The following MEX3C variants were observed in gnomAD, a reference collection of about 807,000 sequenced individuals.
MEX3C encodes RNA-binding E3 ubiquitin-protein ligase MEX3C.
MEX3C carries 15 observed loss-of-function variants against 35.5 expected under a neutral mutation model. The ratio of observed to expected loss-of-function variants is 0.42; its 90% CI spans 0.28 to 0.65. The LOEUF is 0.65. Among genes scored for constraint, MEX3C ranks in the 30% least tolerant of loss-of-function variants. The pLI, the probability that MEX3C is intolerant of heterozygous loss-of-function variation, is 0.20. For missense variants in MEX3C, 711 were observed against 842.8 expected, an observed-to-expected ratio of 0.84 and a Z score of 1.94; for synonymous variants, 390 against 352.8, an observed-to-expected ratio of 1.11 and a Z score of -1.18.
chr18:51,187,338 T>C (rs1244181066), intron 1 of MEX3C, among the ~76,000 whole-genome samples: 2 of 152,178 alleles, frequency 1.3e-5, no homozygotes, highest in Non-Finnish European at 2.9e-5. Flanking sequence ...ATAGCTATCA[T>C]GTATGAATCC....
chr18:51,179,494 T>C (rs377535881), intron 1 of MEX3C, among the ~76,000 whole-genome samples: 5 of 152,018 alleles, frequency 3.3e-5, no homozygotes, highest in South Asian at 2.1e-4. Context: ...CAGTTGGGCA[T>C]CCCTACTCTG....
chr18:51,176,526 G>A lies in MEX3C; in HGVS notation c.1805C>T (p.Ser602Leu), dbSNP rs769790767. The change falls in exon 2 of 2, where the codon TCA becomes TTA. Residue 602 changes from serine to leucine, a missense_variant. Ser to Leu is a moderately radical substitution (Grantham distance 145). Around this residue, in one of 4 missense-constraint regions of MEX3C, gnomAD observed 87 missense variants for 150.4 expected, o/e 0.58. Transcript: ENST00000406189. ...GGSTSSSPPESRRKHDCVICF... is the reference protein window; with the variant it reads ...GGSTSSSPPELRRKHDCVICF... ...AATCACACAGTCGTGCTTTCGTCTT[G>A]ATTCTGGAGGTGAGCTAGAGGTGGA... 1 of 1,613,868 alleles carries A rather than the reference G, an allele frequency of 6.2e-7. No homozygotes were observed. Among genetic ancestry groups the A allele is most frequent in the Non-Finnish European group, 8.5e-7 (1 of 1,179,912 alleles).
Position 51,177,882 on chromosome 18 carries a change from G to A in MEX3C, c.755-306C>T, listed in dbSNP as rs1452838798. ...CTTTCCTCTGTAAAACTCAATTGAT[G>A]ACAAAAACACCGTGCTCATGGCTAG... On this transcript the variant is annotated intron_variant, in intron 1 of 1. Transcript: ENST00000406189. The surrounding 1 kb of genome is among the most constrained non-coding windows in gnomAD (Gnocchi z 4.2). 1.3e-5 allele frequency among the ~76,000 whole-genome samples: 2 copies of A among 152,122 alleles called. No homozygotes were observed. Among genetic ancestry groups the A allele is most frequent in the Non-Finnish European group, 2.9e-5 (2 of 68,012 alleles).
intron 1 of MEX3C, among the ~76,000 whole-genome samples, chr18:51,184,593 A>T (rs1348457039): frequency 2.6e-5 from 4 of 152,172 alleles, no homozygotes; most frequent in African/African-American, 9.7e-5. Flanking sequence ...GTGATGCCTC[A>T]AGCCTGTAAT....
In MEX3C at chr18:51,176,255, C is replaced by T; in HGVS notation, c.*96G>A. 8.3e-7 allele frequency: 1 copy of T among 1,209,558 alleles called. No individual in the cohort carries two copies. Among genetic ancestry groups the T allele is most frequent in the Non-Finnish European group, 1.1e-6 (1 of 885,990 alleles). The allele number at this position is 1,209,558 out of a possible 1,614,324, so 74.9% of individuals were successfully genotyped here. A position where few individuals can be genotyped will look rare whatever the true frequency, so the allele number is the denominator to read the frequency against. ...AATCCCAATAAAGCCTGATAACAGT[C>T]ATAAGAAATCATTAGGAAGTTTACT... is the stretch of plus-strand genomic sequence containing the variant. On this transcript the variant is annotated 3_prime_UTR_variant, in exon 2 of 2. Transcript: ENST00000406189.
intron 1 of MEX3C, among the ~76,000 whole-genome samples, chr18:51,191,694 TAC>T (rs1912652390): frequency 2.0e-5 from 3 of 152,338 alleles, no homozygotes; most frequent in Admixed American, 2.0e-4. Flanking sequence ...GCTTAGCACT[TAC>T]AGTTTCATAT....
In MEX3C at chr18:51,197,083, G is replaced by C. The variant is rs1912824603; in HGVS notation, c.238C>G (p.Gln80Glu). The C allele has an allele frequency of 6.5e-6, 8 of 1,227,310 alleles. No homozygotes were observed. The highest frequency in any genetic ancestry group is 1.6e-5 in the African/African-American group (1 of 63,370). 76.0% of individuals were successfully genotyped at this position (1,227,310 alleles called of 1,614,324 possible). Residue 80 changes from glutamine (Q) to glutamate (E), a missense_variant, in exon 1 of 2, where the codon CAG becomes GAG. Physicochemically the swap from Gln to Glu is conservative, Grantham distance 29. Coordinates refer to ENST00000406189, the MANE Select transcript of MEX3C (RefSeq NM_016626.5). Reference sequence around the variant, plus strand: ...GACAGCTCCGCCGCCCGCCGGGCCTGGCCCTGCGCCGCCGCTGCCGGGGCC... The same window carrying C: ...GACAGCTCCGCCGCCCGCCGGGCCTCGCCCTGCGCCGCCGCTGCCGGGGCC... Reference protein sequence around the residue: ...LRAPAAAAQGQARRAAELSPE... With the variant: ...LRAPAAAAQGEARRAAELSPE...
At chr18:51,184,527 C>CA (rs1912494674) in intron 1 of MEX3C, among the ~76,000 whole-genome samples, 1 of 152,148 alleles carries the variant, frequency 6.6e-6, no homozygotes, top group Non-Finnish European at 1.5e-5. Context: ...CAATACCCTA[C>CA]AAGACATTCT....
intron 1 of MEX3C, among the ~76,000 whole-genome samples, chr18:51,185,885 C>CG (rs1298138429): frequency 7.9e-5 from 5 of 63,152 alleles, no homozygotes; most frequent in Non-Finnish European, 1.9e-4. Context: ...CATAGTGAGA[C>CG]CCCCCCCTCT....
intron 1 of MEX3C, chr18:51,194,567 G>C (rs1385515288): frequency 2.0e-5 from 3 of 152,180 alleles, no homozygotes; most frequent in Non-Finnish European, 4.4e-5. Context: ...CCATTTAGCA[G>C]TGCTTTAAGG....
At chr18:51,188,637 CAA>C (rs1912590466) in intron 1 of MEX3C, among the ~76,000 whole-genome samples, 1 of 150,814 alleles carries the variant, frequency 6.6e-6, no homozygotes, top group East Asian at 1.9e-4. Context: ...GGAATAAAGG[CAA>C]GAGGGAAGAA....
At position 51,180,098 on chromosome 18, in the gene MEX3C, GA is replaced by G. The variant is rs532384686; in HGVS notation, c.755-2523del. On this transcript the variant is annotated intron_variant, in intron 1 of 1. Transcript: ENST00000406189. ...ATTAGAAAACTGAAAATAAATAAAA[GA>G]AAAAAAAGGAAAACAGAAATAAAAG... 4.4e-3 allele frequency among the ~76,000 whole-genome samples: 659 copies of G among 150,078 alleles called. 18 individuals carry two copies. The highest frequency in any genetic ancestry group is 0.04 in the Admixed American group (609 of 15,114).
Position 51,177,392 on chromosome 18 carries a change from G to A in MEX3C, c.939C>T (p.Ala313=), listed in dbSNP as rs2144546796. Residue 313 remains alanine, a synonymous_variant, in exon 2 of 2, where the codon GCC becomes GCT. Coordinates refer to ENST00000406189, the MANE Select transcript of MEX3C (RefSeq NM_016626.5). This position sits in a 1 kb window ranked among gnomAD's most constrained non-coding sequence, Gnocchi z 4.2. ...IRASRNKNGP[A]LGGLSCSPNL... is the part of the protein sequence containing the mutation. ...TAGGACTACATGATAATCCTCCCAG[G>A]GCAGGCCCATTTTTGTTTCGAGATG... The A allele has an allele frequency of 6.2e-7, 1 of 1,613,928 alleles. No homozygotes were observed. The highest frequency in any genetic ancestry group is 8.5e-7 in the Non-Finnish European group (1 of 1,179,876).
chr18:51,182,318 C>T (rs1912450508), intron 1 of MEX3C, among the ~76,000 whole-genome samples: 1 of 152,090 alleles, frequency 6.6e-6, no homozygotes, highest in Non-Finnish European at 1.5e-5. Flanking sequence ...GTACAAACAG[C>T]AGGGTAAATG....
At chr18:51,193,826 C>T (rs1568235403) in intron 1 of MEX3C, 1 of 152,196 alleles carries the variant, frequency 6.6e-6, no homozygotes, top group African/African-American at 2.4e-5. Flanking sequence ...CACTGGAACT[C>T]AGAGGCCATC....
Position 51,177,305 on chromosome 18 carries a change from A to G in MEX3C, c.1026T>C (p.Val342=). Reference sequence around the variant, plus strand: ...TTTTAATAGTTGCTCCTTTGGGTCCAACCACTAATCCTACCACACGATAAG... The same window carrying G: ...TTTTAATAGTTGCTCCTTTGGGTCCGACCACTAATCCTACCACACGATAAG... ...RVPYRVVGLV[V]GPKGATIKRI... The change falls in exon 2 of 2, where the codon GTT becomes GTC. Residue 342 remains valine (V), a synonymous_variant. Coordinates refer to ENST00000406189, the MANE Select transcript of MEX3C (RefSeq NM_016626.5). The surrounding 1 kb of genome is among the most constrained non-coding windows in gnomAD (Gnocchi z 4.2). The G allele has an allele frequency of 6.2e-7, 1 of 1,614,020 alleles. No homozygotes were observed. Among genetic ancestry groups the G allele is most frequent in the Middle Eastern group, 1.7e-4 (1 of 6,060 alleles).
rs577518295 is a variant in MEX3C, at chr18:51,196,525, C to T, written c.754+42G>A. On this transcript the variant is annotated intron_variant, in intron 1 of 1. Coordinates refer to ENST00000406189, the MANE Select transcript of MEX3C (RefSeq NM_016626.5). Reference sequence around the variant, plus strand: ...CTTTCTCTCGTCTCCCCACCCACGCCCGGGGCCATGCCCAGCTGGACCTCC... The same window carrying T: ...CTTTCTCTCGTCTCCCCACCCACGCTCGGGGCCATGCCCAGCTGGACCTCC... 2.0e-5 allele frequency: 30 copies of T among 1,530,320 alleles called. No individual in the cohort carries two copies. The African/African-American group carries it at 2.9e-4, about 15-fold the overall frequency. The allele number at this position is 1,530,320 out of a possible 1,614,324, so 94.8% of individuals were successfully genotyped here.
intron 1 of MEX3C, among the ~76,000 whole-genome samples, chr18:51,192,717 T>C (rs1912677742): frequency 6.6e-6 from 1 of 152,188 alleles, no homozygotes; most frequent in Admixed American, 6.5e-5. Flanking sequence ...ATTTCTGATG[T>C]CAAACTATGC....
rs1912845433 is a variant in MEX3C at position 51,197,454 on chromosome 18, G to C, written c.-134C>G. 1.3e-5 allele frequency: 2 copies of C among 152,184 alleles called. No homozygotes were observed. The highest frequency in any genetic ancestry group is 2.9e-5 in the Non-Finnish European group (2 of 69,228). The allele number at this position is 152,184 out of a possible 1,614,324, so 9.4% of individuals were successfully genotyped here. A position where few individuals can be genotyped will look rare whatever the true frequency, so the allele number is the denominator to read the frequency against. ...CCTCTGGGGAGGCGGCGGGGCTGGGGACCCGGGCCGAGGAGCGCCAGGGCC... is the reference window on the plus strand; with the variant it reads ...CCTCTGGGGAGGCGGCGGGGCTGGGCACCCGGGCCGAGGAGCGCCAGGGCC... On this transcript the variant is annotated 5_prime_UTR_variant, in exon 1 of 2. Transcript: ENST00000406189.
Sources: allele counts gnomAD v4.1 joint callset (sites outside exome capture counted in the v4.1 genomes callset), GRCh38; gene constraint gnomAD v4.1.1; regional missense constraint gnomAD v4.1.1; non-coding constraint Gnocchi (gnomAD v3.1); transcripts MANE v1.5; gene names NCBI Gene and HGNC (gene_info 2026-07-23, HGNC 2026-07-21).